GPC6: variants seen among roughly 807,000 people sequenced by gnomAD.
GPC6 encodes the protein glypican 6.
A neutral mutation model predicts 55.2 loss-of-function variants in GPC6; 14 were observed. The observed-to-expected ratio is 0.25, with a 90% CI of 0.17 to 0.40. The LOEUF is 0.40. Among genes scored for constraint, GPC6 ranks in the 10% least tolerant of loss-of-function variants. The probability of loss-of-function intolerance (pLI) is 1.00; values close to 1 mark genes in which losing one functional copy is unlikely to be tolerated. For synonymous variants in GPC6, 278 were observed against 259.6 expected, an observed-to-expected ratio of 1.07 and a Z score of -0.68; for missense variants, 641 against 708.5, an observed-to-expected ratio of 0.90 and a Z score of 1.08.
chr13:93,523,179 A>G (rs1283237718), intron 1 of GPC6, among the ~76,000 whole-genome samples: 4 of 149,816 alleles, frequency 2.7e-5, no homozygotes, highest in Admixed American at 1.3e-4. Context: ...ATACACATAC[A>G]TATACACATA....
At chr13:94,394,873 A>T (rs1880827115) in intron 7 of GPC6, among the ~76,000 whole-genome samples, 1 of 152,128 alleles carries the variant, frequency 6.6e-6, no homozygotes, top group Non-Finnish European at 1.5e-5. Context: ...GCAGTCTCTT[A>T]TTGTTCCTGG....
intron 7 of GPC6, among the ~76,000 whole-genome samples, chr13:94,395,303 T>A (rs1880849681): frequency 1.3e-5 from 2 of 152,222 alleles, no homozygotes; most frequent in Non-Finnish European, 2.9e-5. Context: ...TTATGCTTTA[T>A]GGCAAAAGAA....
At chr13:93,415,180 T>C (rs1005298458) in intron 1 of GPC6, among the ~76,000 whole-genome samples, 1 of 152,162 alleles carries the variant, frequency 6.6e-6, no homozygotes, top group Non-Finnish European at 1.5e-5. Flanking sequence ...GTGGGGATTA[T>C]AATGATTGTA....
At chr13:93,552,171 T>A (rs1875195093) in intron 2 of GPC6, among the ~76,000 whole-genome samples, 1 of 152,168 alleles carries the variant, frequency 6.6e-6, no homozygotes, top group South Asian at 2.1e-4. Context: ...CAGAATGCGC[T>A]GAACTGAGTT....
chr13:93,569,780 T>C (rs936910534), intron 2 of GPC6, among the ~76,000 whole-genome samples: 3 of 152,120 alleles, frequency 2.0e-5, no homozygotes, highest in Non-Finnish European at 4.4e-5. Flanking sequence ...ATATGCCTTA[T>C]GAATAATTTC....
At chr13:93,932,330 T>A (rs1878219234) in intron 3 of GPC6, among the ~76,000 whole-genome samples, 1 of 152,198 alleles carries the variant, frequency 6.6e-6, no homozygotes. Context: ...GACACTGGTC[T>A]GCAGTAAAAG....
Position 94,126,594 on chromosome 13 carries a change from C to T in GPC6, c.877+98700C>T, listed in dbSNP as rs75523395. Among the ~76,000 whole-genome samples, 1,460 of 152,206 alleles carry T rather than the reference C, an allele frequency of 9.6e-3. 34 individuals are homozygous for T. The highest frequency in any genetic ancestry group is 0.034 in the African/African-American group (1,395 of 41,540). On this transcript the variant is annotated intron_variant, in intron 4 of 8. Coordinates refer to ENST00000377047, the MANE Select transcript of GPC6 (RefSeq NM_005708.5). ...TCTGGTTTATCAAATTATTTCCATG[C>T]ATCCTAGGCATTTAATGTCATCTTC...
chr13:93,877,982 A>G (rs554163418), intron 3 of GPC6, among the ~76,000 whole-genome samples: 1 of 152,166 alleles, frequency 6.6e-6, no homozygotes, highest in South Asian at 2.1e-4. Context: ...ATTTGGTTTG[A>G]AAAGCAGTAC....
At chr13:93,676,281 G>A (rs1300570466) in intron 2 of GPC6, among the ~76,000 whole-genome samples, 4 of 150,810 alleles carry the variant, frequency 2.7e-5, no homozygotes, top group African/African-American at 9.8e-5. Flanking sequence ...GCCAGGTGTG[G>A]TGGTGCATGC....
chr13:93,313,230 A>G (rs1299020965), intron 1 of GPC6, among the ~76,000 whole-genome samples: 1 of 150,996 alleles, frequency 6.6e-6, no homozygotes, highest in Non-Finnish European at 1.5e-5. Flanking sequence ...AAACCAACCA[A>G]ACAAACAACA....
At chr13:93,530,008 T>G (rs1358433174) in intron 1 of GPC6, among the ~76,000 whole-genome samples, 1 of 152,230 alleles carries the variant, frequency 6.6e-6, no homozygotes, top group African/African-American at 2.4e-5. Flanking sequence ...GCAGAACCTC[T>G]GTGGTGACCT....
At chr13:94,269,599 C>T (rs183241629) in intron 4 of GPC6, among the ~76,000 whole-genome samples, 1 of 152,294 alleles carries the variant, frequency 6.6e-6, no homozygotes, top group African/African-American at 2.4e-5. Context: ...GTGTTTGCTT[C>T]CGTGGGCTGC....
chr13:94,141,985 C>A (rs1887394423), intron 4 of GPC6, among the ~76,000 whole-genome samples: 1 of 148,692 alleles, frequency 6.7e-6, no homozygotes, highest in Admixed American at 6.7e-5. Flanking sequence ...GAAAACTGAC[C>A]TTTTTTTTTT....
rs960460306 is a variant in GPC6 at position 93,226,979 on chromosome 13, C to G, written c.-478C>G. ...CACATCCCCAAGAACCTCGAGCTCACACCAACAGACACACGCGCGCATACA... is the reference window on the plus strand; with the variant it reads ...CACATCCCCAAGAACCTCGAGCTCAGACCAACAGACACACGCGCGCATACA... On this transcript the variant is annotated 5_prime_UTR_variant, in exon 1 of 9. Coordinates refer to ENST00000377047, the MANE Select transcript of GPC6 (RefSeq NM_005708.5). 25 of 154,936 alleles carry G rather than the reference C, an allele frequency of 1.6e-4. No individual in the cohort carries two copies. The highest frequency in any genetic ancestry group is 3.2e-4 in the Non-Finnish European group (22 of 69,648). 9.6% of individuals were successfully genotyped at this position (154,936 alleles called of 1,614,324 possible).
intron 3 of GPC6, among the ~76,000 whole-genome samples, chr13:94,021,548 C>G (rs1237471388): frequency 3.9e-5 from 6 of 151,908 alleles, no homozygotes; most frequent in Admixed American, 1.3e-4. Flanking sequence ...AAGTCTCTGT[C>G]CTACCCCACA....
chr13:94,087,074 T>C (rs1885310786), intron 4 of GPC6, among the ~76,000 whole-genome samples: 2 of 152,204 alleles, frequency 1.3e-5, no homozygotes, highest in Non-Finnish European at 2.9e-5. Context: ...TAAGGAAAAG[T>C]TCTCTCAGTG....
rs1188834751 is a variant in GPC6 at position 93,634,529 on chromosome 13, T to A, written c.319+89108T>A. ...AAATTTGACTTTTTATTTTTCTTCT[T>A]TAACAAGAAGTCAGAATGTATCCAG... On this transcript the variant is annotated intron_variant, in intron 2 of 8. Transcript: ENST00000377047. Among the ~76,000 whole-genome samples the A allele has an allele frequency of 2.0e-5, 3 of 152,226 alleles. No individual in the cohort carries two copies. In the East Asian group the frequency reaches 5.8e-4, roughly 29 times the overall value.
At chr13:94,163,338 C>T (rs1033360506) in intron 4 of GPC6, among the ~76,000 whole-genome samples, 1 of 151,744 alleles carries the variant, frequency 6.6e-6, no homozygotes, top group African/African-American at 2.4e-5. Flanking sequence ...TTCCTTCCAC[C>T]TCCACCTCCC....
chr13:94,399,586 T>A (rs904241084), intron 8 of GPC6, among the ~76,000 whole-genome samples: 4 of 152,220 alleles, frequency 2.6e-5, no homozygotes, highest in African/African-American at 9.6e-5. Flanking sequence ...GATGCTTGTG[T>A]GCTTGGATTA....
Sources: allele counts gnomAD v4.1 joint callset (sites outside exome capture counted in the v4.1 genomes callset), GRCh38; gene constraint gnomAD v4.1.1; transcripts MANE v1.5; gene names NCBI Gene and HGNC (gene_info 2026-07-23, HGNC 2026-07-21).